Variants in NTNG1 observed in about 807,000 individuals in gnomAD.
The protein encoded by NTNG1 is netrin G1, also known as netrin-G1.
Under a neutral mutation model 54.0 loss-of-function variants are expected in NTNG1, and 16 were observed. That is an observed-to-expected ratio of 0.30 (90% CI 0.20 to 0.45). The LOEUF (loss-of-function observed/expected upper bound fraction) is 0.45. NTNG1 is among the 20% of genes least tolerant of loss of function. NTNG1 has a pLI of 1.00. For synonymous variants in NTNG1, 255 were observed against 263.1 expected, an observed-to-expected ratio of 0.97 and a Z score of 0.30; for missense variants, 530 against 678.7, an observed-to-expected ratio of 0.78 and a Z score of 2.43.
At chr1:107,292,280 G>A (rs1665656105) in intron 2 of NTNG1, among the ~76,000 whole-genome samples, 2 of 152,112 alleles carry the variant, frequency 1.3e-5, no homozygotes, top group African/African-American at 4.8e-5. Context: ...ATGAAAATTC[G>A]ACTGAGGGGC....
intron 2 of NTNG1, among the ~76,000 whole-genome samples, chr1:107,270,746 G>C (rs1664091085): frequency 9.1e-6 from 1 of 109,414 alleles, no homozygotes. Flanking sequence ...AAAGTGCAGT[G>C]CTTGCTCCTT....
intron 2 of NTNG1, among the ~76,000 whole-genome samples, chr1:107,226,203 C>A (rs1407918389): frequency 6.6e-6 from 1 of 152,072 alleles, no homozygotes; most frequent in Non-Finnish European, 1.5e-5. Flanking sequence ...TATTGTGGAA[C>A]AACAACAGAA....
intron 2 of NTNG1, among the ~76,000 whole-genome samples, chr1:107,224,180 A>G (rs535471725): frequency 2.6e-5 from 4 of 152,222 alleles, no homozygotes; most frequent in African/African-American, 9.6e-5. Flanking sequence ...TGAATGGATC[A>G]TTGCCAATTT....
chr1:107,406,015 A>G, intron 4 of NTNG1, among the ~76,000 whole-genome samples: 1 of 152,114 alleles, frequency 6.6e-6, no homozygotes, highest in East Asian at 1.9e-4. Flanking sequence ...TGGACATGGA[A>G]ATTTGGATTT....
At chr1:107,421,270 C>G (rs1481887882) in intron 5 of NTNG1, 29 of 642,076 alleles carry the variant, frequency 4.5e-5, no homozygotes. Context: ...TGACTAATAT[C>G]AATCAATGCA....
At chr1:107,189,334 G>C (rs1285925662) in intron 2 of NTNG1, among the ~76,000 whole-genome samples, 1 of 119,272 alleles carries the variant, frequency 8.4e-6, no homozygotes, top group African/African-American at 3.1e-5. Context: ...CTGGGTGACA[G>C]AGACAGACCT....
At chr1:107,320,035 G>A (rs147125641) in intron 2 of NTNG1, among the ~76,000 whole-genome samples, 8 of 152,110 alleles carry the variant, frequency 5.3e-5, no homozygotes, top group Non-Finnish European at 1.2e-4. Flanking sequence ...TTCTGAAAGC[G>A]TATTAAGGAA....
At chr1:107,164,411 C>A (rs374937880) in intron 2 of NTNG1, among the ~76,000 whole-genome samples, 1 of 152,238 alleles carries the variant, frequency 6.6e-6, no homozygotes, top group East Asian at 1.9e-4. Flanking sequence ...ATTGATGTGA[C>A]CATTGGGTGA....
In NTNG1 at chr1:107,173,053, A is replaced by T. The variant is rs186803812; in HGVS notation, c.246+24214A>T. On this transcript the variant is annotated intron_variant, in intron 2 of 7. Coordinates refer to ENST00000370068, the MANE Select transcript of NTNG1 (RefSeq NM_001113226.3). ...TTCAGGAGAGCTCAGTAATGAATTAACTGGTCCACGAGAACATCATAATGG... is the reference window on the plus strand; with the variant it reads ...TTCAGGAGAGCTCAGTAATGAATTATCTGGTCCACGAGAACATCATAATGG... Among the ~76,000 whole-genome samples the T allele has an allele frequency of 3.2e-4, 49 of 152,226 alleles. No individual in the cohort carries two copies. In the East Asian group the frequency reaches 9.1e-3, roughly 28 times the overall value.
At chr1:107,250,568 A>C (rs1344643130) in intron 2 of NTNG1, among the ~76,000 whole-genome samples, 1 of 6,410 alleles carries the variant, frequency 1.6e-4, no homozygotes, top group Non-Finnish European at 8.1e-3. Context: ...ATAATTAAAA[A>C]ATAAAAAAAA....
chr1:107,439,575 G>A (rs1261252478), intron 7 of NTNG1, among the ~76,000 whole-genome samples: 9 of 152,136 alleles, frequency 5.9e-5, no homozygotes, highest in African/African-American at 9.6e-5. Context: ...ATTTAACATC[G>A]TCCAAACACA....
intron 3 of NTNG1, among the ~76,000 whole-genome samples, chr1:107,385,315 TCTGGTCTCTGCCATAGTCCATGTGGTC>T (rs1419725768): frequency 6.7e-4 from 102 of 152,162 alleles, no homozygotes; most frequent in African/African-American, 1.9e-3. Flanking sequence ...GCCACTACTC[TCTGGTCTCTGCCATAGTCCATGTGGTC>T]CTGGTCTCTG....
intron 3 of NTNG1, among the ~76,000 whole-genome samples, chr1:107,341,954 C>T (rs1038060095): frequency 4.0e-5 from 6 of 151,420 alleles, no homozygotes; most frequent in African/African-American, 1.5e-4. Flanking sequence ...ACAGGGGTTC[C>T]GCAGGAAAAG....
chr1:107,333,663 G>A (rs1204187820), intron 3 of NTNG1, among the ~76,000 whole-genome samples: 1 of 151,854 alleles, frequency 6.6e-6, no homozygotes, highest in Non-Finnish European at 1.5e-5. Flanking sequence ...GTGTGTTTGT[G>A]TGTGTGTGTG....
Position 107,148,774 on chromosome 1 carries a change from C to G in NTNG1, c.181C>G (p.Leu61Val), listed in dbSNP as rs1322089693. The change falls in exon 2 of 8, where the codon CTG becomes GTG. Residue 61 changes from leucine to valine, a missense_variant. Transcript: ENST00000370068. ...GGAATCCACGGACATGACAAAATAT[C>G]TGAAAGTGAAACTCGATCCTCCGGA... ...QPESTDMTKY[L>V]KVKLDPPDIT... 1 of 1,613,686 alleles carries G rather than the reference C, an allele frequency of 6.2e-7. No homozygotes were observed. Among genetic ancestry groups the G allele is most frequent in the Non-Finnish European group, 8.5e-7 (1 of 1,179,656 alleles).
intron 3 of NTNG1, among the ~76,000 whole-genome samples, chr1:107,341,180 T>G (rs974284283): frequency 6.6e-6 from 1 of 152,098 alleles, no homozygotes; most frequent in Non-Finnish European, 1.5e-5. Flanking sequence ...TATATTAGTT[T>G]CACAACAATA....
intron 2 of NTNG1, among the ~76,000 whole-genome samples, chr1:107,155,476 T>C (rs1486030369): frequency 2.0e-5 from 3 of 152,112 alleles, no homozygotes; most frequent in Non-Finnish European, 4.4e-5. Context: ...TATATCTAGA[T>C]AGACATATAT....
At position 107,297,649 on chromosome 1, in the gene NTNG1, G is replaced by A. The variant is rs559084339; in HGVS notation, c.247-26633G>A. ...TCAGGATCATTTCTGTAATAAATTT[G>A]TCTCTCCCCAAACAACAATTGCTGC... On this transcript the variant is annotated intron_variant, in intron 2 of 7. Transcript: ENST00000370068. 1.7e-3 allele frequency among the ~76,000 whole-genome samples: 256 copies of A among 152,076 alleles called. 1 individual carries two copies. Among genetic ancestry groups the A allele is most frequent in the Admixed American group, 0.016 (250 of 15,244 alleles).
Position 107,418,702 on chromosome 1 carries a change from C to T in NTNG1, c.1087+10994C>T, listed in dbSNP as rs187682687. 10 of 1,093,496 alleles carry T rather than the reference C, an allele frequency of 9.1e-6. No homozygotes were observed. In the East Asian group the frequency reaches 1.3e-4, roughly 14 times the overall value. The allele number at this position is 1,093,496 out of a possible 1,614,324, so 67.7% of individuals were successfully genotyped here. ...AATCCCACATGTTTGGGGGAAAATC[C>T]TATATGCCATTTTTAGCACAAAATA... On this transcript the variant is annotated intron_variant, in intron 5 of 7. Coordinates refer to ENST00000370068, the MANE Select transcript of NTNG1 (RefSeq NM_001113226.3).
Sources: gnomAD v4.1 joint callset for allele counts (sites outside exome capture counted in the v4.1 genomes callset) on GRCh38, gnomAD v4.1.1 for gene constraint, MANE v1.5 for transcripts, NCBI Gene and HGNC (gene_info 2026-07-23, HGNC 2026-07-21) for gene names.